ADAMTS3: variants seen among roughly 807,000 people sequenced by gnomAD.
ADAMTS3 encodes A disintegrin and metalloproteinase with thrombospondin motifs 3.
ADAMTS3 carries 73 observed loss-of-function variants against 129.0 expected under a neutral mutation model. The ratio of observed to expected loss-of-function variants is 0.57; its 90% confidence interval spans 0.47 to 0.69. The LOEUF (loss-of-function observed/expected upper bound fraction) is 0.69, where lower values mean the gene tolerates loss of function less well. Among genes scored for constraint, ADAMTS3 ranks in the 30% least tolerant of loss-of-function variants. The pLI is 0.00. For missense variants in ADAMTS3, 1,457 were observed against 1,514.5 expected (o/e 0.96, Z 0.63); for synonymous variants, 477 against 510.8 (o/e 0.93, Z 0.89).
intron 12 of ADAMTS3, 72 bp downstream of exon 12, chr4:72,313,605 A>C (rs887892512): frequency 1.1e-4 from 166 of 1,503,224 alleles, no homozygotes; most frequent in Middle Eastern, 1.7e-4. Context: ...ATAAAACAGA[A>C]TACTAATAAC....
chr4:72,562,224 A>C (rs1426135371), intron 2 of ADAMTS3, among the ~76,000 whole-genome samples: 1 of 152,230 alleles, frequency 6.6e-6, no homozygotes, highest in Non-Finnish European at 1.5e-5. Context: ...AAAAAGAAGA[A>C]AGAAATAATT....
At chr4:72,340,673 C>T (rs989970061) in intron 4 of ADAMTS3, among the ~76,000 whole-genome samples, 1 of 151,954 alleles carries the variant, frequency 6.6e-6, no homozygotes, top group Non-Finnish European at 1.5e-5. Flanking sequence ...CATATACATA[C>T]AACATACCTA....
intron 4 of ADAMTS3, among the ~76,000 whole-genome samples, chr4:72,380,475 T>G (rs1202976943): frequency 6.6e-6 from 1 of 152,130 alleles, no homozygotes; most frequent in Non-Finnish European, 1.5e-5. Flanking sequence ...AAGGCAGTAA[T>G]GATTATTATG....
intron 3 of ADAMTS3, among the ~76,000 whole-genome samples, chr4:72,493,633 G>A (rs928220203): frequency 1.3e-5 from 2 of 151,958 alleles, no homozygotes; most frequent in Non-Finnish European, 2.9e-5. Context: ...CCACTTTGAT[G>A]ATGTTACATT....
intron 3 of ADAMTS3, among the ~76,000 whole-genome samples, chr4:72,519,829 C>G (rs1232260814): frequency 6.6e-6 from 1 of 152,354 alleles, no homozygotes; most frequent in Middle Eastern, 3.4e-3. Flanking sequence ...AAGCCTTCTT[C>G]TCTCAACTCA....
chr4:72,422,558 T>G (rs557899122), intron 3 of ADAMTS3, among the ~76,000 whole-genome samples: 2 of 152,248 alleles, frequency 1.3e-5, no homozygotes, highest in East Asian at 3.9e-4. Context: ...AAAACAATGA[T>G]GTATGCTAAA....
intron 3 of ADAMTS3, among the ~76,000 whole-genome samples, chr4:72,466,571 G>T (rs2109989117): frequency 6.6e-6 from 1 of 152,150 alleles, no homozygotes; most frequent in East Asian, 1.9e-4. Flanking sequence ...GGGTGGGAAA[G>T]AATGAGAGCC....
Sources: allele counts gnomAD v4.1 joint callset (sites outside exome capture counted in the v4.1 genomes callset), GRCh38; gene constraint gnomAD v4.1.1; transcripts MANE v1.5; gene names NCBI Gene and HGNC (gene_info 2026-07-23, HGNC 2026-07-21).